TANC2: variants seen among roughly 807,000 people sequenced by gnomAD.
TANC2 encodes protein TANC2.
TANC2 carries 26 observed loss-of-function variants against 210.5 expected under a neutral mutation model. That is an observed-to-expected ratio of 0.12 (90% CI 0.09 to 0.17). The LOEUF (loss-of-function observed/expected upper bound fraction) is 0.17. Among genes scored for constraint, TANC2 ranks in the 10% least tolerant of loss-of-function variants. The probability of loss-of-function intolerance (pLI) is 1.00; values close to 1 mark genes in which losing one functional copy is unlikely to be tolerated. For synonymous variants in TANC2, 931 were observed against 967.1 expected, an observed-to-expected ratio of 0.96 and a Z score of 0.69; for missense variants, 2,129 against 2,608.9, an observed-to-expected ratio of 0.82 and a Z score of 4.01.
At chr17:63,133,712 CA>C (rs1270686625) in intron 4 of TANC2, among the ~76,000 whole-genome samples, 2 of 152,124 alleles carry the variant, frequency 1.3e-5, no homozygotes, top group Non-Finnish European at 2.9e-5. Flanking sequence ...CCATTATTGA[CA>C]GCTAATGCAA....
At chr17:63,244,987 C>A (rs1246544524) in intron 8 of TANC2, among the ~76,000 whole-genome samples, 1 of 147,646 alleles carries the variant, frequency 6.8e-6, no homozygotes, top group Admixed American at 6.7e-5. Context: ...GTACATTAAA[C>A]CTCTTCTCCT....
chr17:63,034,269 A>G (rs1214120613), intron 2 of TANC2, among the ~76,000 whole-genome samples: 1 of 152,192 alleles, frequency 6.6e-6, no homozygotes, highest in African/African-American at 2.4e-5. Context: ...CTAGGGTCCT[A>G]AAGAATGATG....
At chr17:63,389,604 C>G (rs1427703313) in intron 17 of TANC2, 60 bp downstream of exon 17, 2 of 1,428,286 alleles carry the variant, frequency 1.4e-6, no homozygotes, top group Non-Finnish European at 1.9e-6. Context: ...GATGCATACT[C>G]TTTCTTATCT....
At chr17:63,296,507 G>A (rs67789591) in intron 9 of TANC2, among the ~76,000 whole-genome samples, 1,624 of 152,280 alleles carry the variant, frequency 0.011, 18 homozygotes, top group Non-Finnish European at 0.019. Flanking sequence ...GATACAAAAT[G>A]ACAAGGCATA....
intron 1 of TANC2, chr17:62,967,625 G>A (rs2031427045): frequency 6.6e-6 from 1 of 152,176 alleles, no homozygotes; most frequent in African/African-American, 2.4e-5. Flanking sequence ...ATTAGGCAAA[G>A]GGAAGTATTT....
intron 2 of TANC2, among the ~76,000 whole-genome samples, chr17:63,068,367 C>T (rs1489327495): frequency 6.6e-6 from 1 of 152,070 alleles, no homozygotes; most frequent in Non-Finnish European, 1.5e-5. Flanking sequence ...TAAAAATTAA[C>T]GCAACTGTCT....
At chr17:63,329,976 T>TC (rs2146703090) in intron 11 of TANC2, among the ~76,000 whole-genome samples, 1 of 152,300 alleles carries the variant, frequency 6.6e-6, no homozygotes, top group African/African-American at 2.4e-5. Flanking sequence ...AAGCAAGTAA[T>TC]CAAGTTTTGA....
chr17:63,258,140 G>T (rs1424249058), intron 8 of TANC2, among the ~76,000 whole-genome samples: 1 of 152,126 alleles, frequency 6.6e-6, no homozygotes, highest in East Asian at 1.9e-4. Flanking sequence ...TTCTACCATA[G>T]AATTTTTTTT....
rs74374010 is a variant in TANC2 at position 62,997,116 on chromosome 17, CTTTTTTTTTT to C, written c.-23-12411_-23-12402del. Reference sequence around the variant, plus strand: ...AGGTGTGAACCACCACACCCAGCCTCTTTTTTTTTTTTTTTTTTTAAAGAGAAAAAAAGGA... The same window carrying C: ...AGGTGTGAACCACCACACCCAGCCTCTTTTTTTTTAAAGAGAAAAAAAGGA... On this transcript the variant is annotated intron_variant, in intron 1 of 27. Coordinates refer to ENST00000689528, the Ensembl canonical transcript of TANC2. Among the ~76,000 whole-genome samples the C allele has an allele frequency of 1.4e-3, 167 of 120,958 alleles. 2 individuals carry two copies. The highest frequency in any genetic ancestry group is 4.7e-3 in the African/African-American group (153 of 32,274). The allele number at this position is 120,958 out of a possible 152,430, so 79.4% of individuals were successfully genotyped here.
chr17:63,160,474 TA>T (rs2039989663), intron 5 of TANC2, among the ~76,000 whole-genome samples: 1 of 152,234 alleles, frequency 6.6e-6, no homozygotes, highest in South Asian at 2.1e-4. Flanking sequence ...GTTTTTACCT[TA>T]ACAACTATTC....
chr17:63,022,113 G>C (rs2034373726), intron 2 of TANC2, among the ~76,000 whole-genome samples: 3 of 152,054 alleles, frequency 2.0e-5, no homozygotes, highest in Non-Finnish European at 2.9e-5. Flanking sequence ...GTCTGAGGCA[G>C]GCAGATCACG....
chr17:62,999,804 C>G (rs934163597), intron 1 of TANC2, among the ~76,000 whole-genome samples: 2 of 152,166 alleles, frequency 1.3e-5, no homozygotes, highest in Non-Finnish European at 2.9e-5. Context: ...CATCATAGCT[C>G]TGTTCACAAT....
chr17:63,421,476 G>A lies in TANC2; in HGVS notation c.5746G>A (p.Gly1916Ser). ...GTCGCCAGTGTCTCCAACTCAAGGA[G>A]GTTACCCCAGTGAGCCCACCCGATC... The change falls in exon 28 of 28, where the codon GGT (glycine) becomes AGT (serine). Residue 1916 changes from glycine (G) to serine (S), a missense_variant. By Grantham distance (56) the Gly-to-Ser change is moderately conservative (BLOSUM62 0). Transcript: ENST00000689528. This position sits in a 1 kb window ranked among gnomAD's most constrained non-coding sequence, Gnocchi z 6.9. The A allele has an allele frequency of 6.2e-7, 1 of 1,613,978 alleles. No individual in the cohort carries two copies. The highest frequency in any genetic ancestry group is 8.5e-7 in the Non-Finnish European group (1 of 1,179,900).
At chr17:63,340,521 C>A (rs1015760) in intron 12 of TANC2, among the ~76,000 whole-genome samples, 189 bp downstream of exon 12, 90,780 of 151,722 alleles carry the variant, frequency 0.6, 29,657 homozygotes, top group African/African-American at 0.86. Context: ...AGTAACTACT[C>A]CTTCCTCTTT....
intron 3 of TANC2, among the ~76,000 whole-genome samples, chr17:63,097,075 CTG>C (rs1208783354): frequency 6.6e-6 from 1 of 150,948 alleles, no homozygotes; most frequent in African/African-American, 2.4e-5. Flanking sequence ...TGGTCTCACT[CTG>C]TCACCCAGGC....
intron 17 of TANC2, chr17:63,389,894 G>T (rs1438107237): frequency 6.6e-6 from 2 of 304,320 alleles, no homozygotes; most frequent in Non-Finnish European, 1.3e-5. Context: ...GCAGTGGCAG[G>T]TCTGGACCAA....
chr17:62,967,728 C>A (rs529276476), intron 1 of TANC2: 3 of 151,852 alleles, frequency 2.0e-5, no homozygotes, highest in African/African-American at 7.3e-5. Context: ...GATAGATTTT[C>A]AGGCATTTTG....
Position 63,024,391 on chromosome 17 carries a change from C to G in TANC2, c.67+14765C>G, listed in dbSNP as rs190017359. ...AACATCCTGTCATTGCCATGACATT[C>G]GTAAACTGTCTTGGCACTGGTGGGC... On this transcript the variant is annotated intron_variant, in intron 2 of 27. Coordinates refer to ENST00000689528, the Ensembl canonical transcript of TANC2. Among the ~76,000 whole-genome samples the G allele has an allele frequency of 3.9e-5, 6 of 152,282 alleles. No homozygotes were observed. In the East Asian group the frequency reaches 1.2e-3, roughly 29 times the overall value.
intron 21 of TANC2, 29 bp downstream of exon 21, chr17:63,406,306 G>T (rs1278156935): frequency 1.9e-6 from 3 of 1,607,798 alleles, no homozygotes; most frequent in African/African-American, 1.3e-5. Context: ...GAGCTGGCTG[G>T]CCAGTTTCCA....
Sources: allele counts gnomAD v4.1 joint callset (sites outside exome capture counted in the v4.1 genomes callset), GRCh38; gene constraint gnomAD v4.1.1; non-coding constraint Gnocchi (gnomAD v3.1); transcripts MANE v1.5; gene names NCBI Gene and HGNC (gene_info 2026-07-23, HGNC 2026-07-21).